Variants in OSBPL10 observed in about 807,000 individuals in gnomAD.
The protein encoded by OSBPL10 is oxysterol-binding protein-related protein 10.
OSBPL10 carries 49 observed loss-of-function variants against 81.7 expected under a neutral mutation model. That is an observed-to-expected ratio of 0.60 (90% CI 0.48 to 0.76). The LOEUF is 0.76. Ranked by LOEUF, OSBPL10 falls within the 30% of genes least tolerant of loss-of-function variation. The pLI is 0.00. For synonymous variants in OSBPL10, 419 were observed against 383.6 expected (o/e 1.09, Z -1.08); for missense variants, 923 against 987.8 (o/e 0.93, Z 0.88).
chr3:31,713,060 CCAGT>C (rs1364820252), intron 6 of OSBPL10, among the ~76,000 whole-genome samples: 1 of 152,202 alleles, frequency 6.6e-6, no homozygotes, highest in Non-Finnish European at 1.5e-5. Context: ...CAACAGCTTC[CCAGT>C]CAGTCTCCTC....
At chr3:31,718,759 G>GT (rs1316206861) in intron 6 of OSBPL10, 11 of 152,116 alleles carry the variant, frequency 7.2e-5, no homozygotes, top group African/African-American at 1.9e-4. Context: ...CAAACGAATT[G>GT]TTTTTTTCAA....
intron 3 of OSBPL10, among the ~76,000 whole-genome samples, chr3:31,876,223 T>G (rs542076026): frequency 1.3e-5 from 2 of 152,348 alleles, no homozygotes; most frequent in South Asian, 4.1e-4. Context: ...GTTCCCATAG[T>G]GTCTGCGTGC....
chr3:31,718,656 T>C (rs1419404358), intron 6 of OSBPL10: 1 of 152,224 alleles, frequency 6.6e-6, no homozygotes, highest in Admixed American at 6.5e-5. Context: ...AAATTGATAT[T>C]TAACTGAATA....
chr3:31,854,183 T>C (rs1431696878), intron 3 of OSBPL10, among the ~76,000 whole-genome samples: 1 of 151,364 alleles, frequency 6.6e-6, no homozygotes, highest in Non-Finnish European at 1.5e-5. Context: ...AAAGATAGCA[T>C]ACAGAATGGT....
intron 4 of OSBPL10, among the ~76,000 whole-genome samples, chr3:31,775,765 CAG>C (rs1033462422): frequency 7.2e-5 from 11 of 151,872 alleles, no homozygotes; most frequent in Non-Finnish European, 1.2e-4. Context: ...TCTGGAATGA[CAG>C]AGAAGAAAAA....
chr3:31,840,780 G>C (rs1489348683), intron 3 of OSBPL10, among the ~76,000 whole-genome samples: 1 of 152,204 alleles, frequency 6.6e-6, no homozygotes, highest in East Asian at 1.9e-4. Flanking sequence ...CACATACACA[G>C]GTGTCTTATA....
At chr3:31,912,674 T>C (rs890954455) in intron 1 of OSBPL10, among the ~76,000 whole-genome samples, 3 of 152,164 alleles carry the variant, frequency 2.0e-5, no homozygotes, top group Non-Finnish European at 2.9e-5. Flanking sequence ...TAGACTACAA[T>C]GCGCCTTCAC....
chr3:31,698,177 T>A, intron 7 of OSBPL10, among the ~76,000 whole-genome samples: 1 of 151,772 alleles, frequency 6.6e-6, no homozygotes, highest in Non-Finnish European at 1.5e-5. Flanking sequence ...TAAGCAGGTA[T>A]GGTGGCTCAC....
chr3:31,718,187 G>C (rs1696515276), intron 6 of OSBPL10: 1 of 152,336 alleles, frequency 6.6e-6, no homozygotes, highest in Admixed American at 6.6e-5. Flanking sequence ...GAGTGCAGTG[G>C]CGCGATCTCG....
chr3:31,993,565 T>C (rs538298736), intron 2 of OSBPL10, among the ~76,000 whole-genome samples: 4 of 152,250 alleles, frequency 2.6e-5, no homozygotes, highest in East Asian at 3.9e-4. Flanking sequence ...AAATAAGATA[T>C]ACAGATGTCC....
rs1261497674 is a variant in OSBPL10, at chr3:31,847,493, A to T, written c.538-17262T>A. Among the ~76,000 whole-genome samples, 4 of 152,104 alleles carry T rather than the reference A, an allele frequency of 2.6e-5. No individual in the cohort carries two copies. The South Asian group carries it at 8.3e-4, about 32-fold the overall frequency. On this transcript the variant is annotated intron_variant, in intron 3 of 11. Coordinates refer to ENST00000396556, the MANE Select transcript of OSBPL10 (RefSeq NM_017784.5). Reference sequence around the variant, plus strand: ...TGTGAGCCACCACGCCCAGCCTATTACTTCTCTCACTGTGGTAGCAAACCT... The same window carrying T: ...TGTGAGCCACCACGCCCAGCCTATTTCTTCTCTCACTGTGGTAGCAAACCT...
intron 3 of OSBPL10, among the ~76,000 whole-genome samples, chr3:31,833,737 A>ACACACTCTCT (rs1491340793): frequency 7.2e-6 from 1 of 139,856 alleles, no homozygotes; most frequent in African/African-American, 2.8e-5. Flanking sequence ...ACACACACAC[A>ACACACTCTCT]CTCTCTCTCT....
intron 2 of OSBPL10, among the ~76,000 whole-genome samples, chr3:32,000,103 G>T (rs1032165130): frequency 6.6e-6 from 1 of 152,050 alleles, no homozygotes; most frequent in African/African-American, 2.4e-5. Context: ...CATTTCCTCT[G>T]TCTTAGTCAT....
chr3:31,867,763 AAGGG>A (rs111336656), intron 3 of OSBPL10, among the ~76,000 whole-genome samples: 5,345 of 136,648 alleles, frequency 0.039, 325 homozygotes, highest in African/African-American at 0.13. Flanking sequence ...GGGAGGAAGG[AAGGG>A]AGGGAGGGAG....
chr3:32,065,980 AAAG>A (rs1468385927), intron 1 of OSBPL10, among the ~76,000 whole-genome samples: 1 of 65,478 alleles, frequency 1.5e-5, no homozygotes, highest in African/African-American at 3.5e-5. Context: ...AGAAAGAAAG[AAAG>A]AAAGAAAGAA....
chr3:31,961,943 G>A (rs1315936031), intron 1 of OSBPL10, among the ~76,000 whole-genome samples: 2 of 150,458 alleles, frequency 1.3e-5, no homozygotes, highest in African/African-American at 4.9e-5. Flanking sequence ...TGGCAGAGGG[G>A]AGGGTTGCTT....
chr3:31,877,984 G>T (rs1474278828), intron 2 of OSBPL10, among the ~76,000 whole-genome samples: 3 of 152,156 alleles, frequency 2.0e-5, no homozygotes, highest in African/African-American at 7.2e-5. Flanking sequence ...CTATGTGCAG[G>T]TAAGATGTGA....
At chr3:31,789,093 C>A (rs997874746) in intron 4 of OSBPL10, among the ~76,000 whole-genome samples, 6 of 152,148 alleles carry the variant, frequency 3.9e-5, no homozygotes, top group African/African-American at 1.4e-4. Flanking sequence ...ATTCTCCTGC[C>A]TCAACCTCCT....
chr3:31,748,660 A>AAC (rs5847716), intron 4 of OSBPL10, among the ~76,000 whole-genome samples: 3 of 150,950 alleles, frequency 2.0e-5, no homozygotes, highest in Non-Finnish European at 4.4e-5. Context: ...AAAAAAAAAA[A>AAC]TGCTAAACAG....
Sources: allele counts gnomAD v4.1 joint callset (sites outside exome capture counted in the v4.1 genomes callset), GRCh38; gene constraint gnomAD v4.1.1; transcripts MANE v1.5; gene names NCBI Gene and HGNC (gene_info 2026-07-23, HGNC 2026-07-21).